GPAM: variants seen among roughly 807,000 people sequenced by gnomAD.
GPAM encodes glycerol-3-phosphate acyltransferase, mitochondrial, also known as glycerol-3-phosphate acyltransferase 1, mitochondrial.
Under a neutral mutation model 105.0 loss-of-function variants are expected in GPAM, and 56 were observed. The observed-to-expected ratio is 0.53, with a 90% CI of 0.43 to 0.67. The LOEUF (loss-of-function observed/expected upper bound fraction) is 0.67. Among genes scored for constraint, GPAM ranks in the 30% least tolerant of loss-of-function variants. The pLI, the probability that GPAM is intolerant of heterozygous loss-of-function variation, is 0.00. For missense variants in GPAM, 855 were observed against 989.8 expected (o/e 0.86, Z 1.83); for synonymous variants, 368 against 354.4 (o/e 1.04, Z -0.43).
At chr10:112,168,224 T>C in intron 11 of GPAM, 88 bp downstream of exon 11, 2 of 809,822 alleles carry the variant, frequency 2.5e-6, no homozygotes, top group Non-Finnish European at 2.2e-6. Flanking sequence ...CCAAAAAAAA[T>C]TCTTAATTCT....
At chr10:112,156,645 C>A in intron 19 of GPAM, 1 of 168,944 alleles carries the variant, frequency 5.9e-6, no homozygotes, top group Non-Finnish European at 1.3e-5. Flanking sequence ...GATCACTGCC[C>A]CATCTTGAAA....
chr10:112,173,248 ATT>A (rs77987196), intron 7 of GPAM, among the ~76,000 whole-genome samples, 182 bp from the exon 8 acceptor site: 107,237 of 151,546 alleles, frequency 0.71, 37,983 homozygotes, highest in South Asian at 0.82. Context: ...ACTAGAGCTA[ATT>A]TTATATATAT....
rs2792732 is a variant in GPAM, at chr10:112,167,904, A to T, written c.1107+408T>A. Among the ~76,000 whole-genome samples the T allele has an allele frequency of 9.0e-3, 1,364 of 152,320 alleles. 24 individuals carry two copies. The highest frequency in any genetic ancestry group is 0.031 in the African/African-American group (1,296 of 41,578). ...ATTGCTACCTCTCAAATTAATCTGT[A>T]GGTGTTTTTGCCAACATGACCCCAC... is the stretch of plus-strand genomic sequence containing the variant. On this transcript the variant is annotated intron_variant, in intron 11 of 21. Transcript: ENST00000348367.
chr10:112,152,052 C>T lies in GPAM; in HGVS notation c.*1498G>A, dbSNP rs1846929534. On this transcript the variant is annotated 3_prime_UTR_variant, in exon 22 of 22. Coordinates refer to ENST00000348367, the MANE Select transcript of GPAM (RefSeq NM_001244949.2). ...CAATGTGAAATATCAATCAGCATCCCTCCCTCTCCCAAAACACACATTACT... is the reference window on the plus strand; with the variant it reads ...CAATGTGAAATATCAATCAGCATCCTTCCCTCTCCCAAAACACACATTACT... 1 of 980,706 alleles carries T rather than the reference C, an allele frequency of 1.0e-6. No homozygotes were observed. Among genetic ancestry groups the T allele is most frequent in the Non-Finnish European group, 1.2e-6 (1 of 825,820 alleles). 60.8% of individuals were successfully genotyped at this position (980,706 alleles called of 1,614,324 possible). A position where few individuals can be genotyped will look rare whatever the true frequency, so the allele number is the denominator to read the frequency against.
upstream of GPAM, among the ~76,000 whole-genome samples, chr10:112,219,358 T>C (rs564250957): frequency 6.8e-4 from 103 of 152,224 alleles, no homozygotes; most frequent in African/African-American, 2.2e-3. Flanking sequence ...GCAAAGTGCT[T>C]TCACCTGGGA....
At chr10:112,164,016 CTAAA>C (rs1373407845) in intron 13 of GPAM, among the ~76,000 whole-genome samples, 200 bp from the exon 14 acceptor site, 1 of 152,034 alleles carries the variant, frequency 6.6e-6, no homozygotes, top group Non-Finnish European at 1.5e-5. Flanking sequence ...TTAGTTATGA[CTAAA>C]TAGTCTGTTG....
chr10:112,188,774 T>A (rs1430881729), intron 1 of GPAM, among the ~76,000 whole-genome samples: 2 of 152,224 alleles, frequency 1.3e-5, no homozygotes, highest in Non-Finnish European at 2.9e-5. Context: ...TTAACATGGC[T>A]CATTCTCATG....
chr10:112,184,220 T>C (rs367927237), upstream of GPAM, among the ~76,000 whole-genome samples: 36 of 152,108 alleles, frequency 2.4e-4, no homozygotes, highest in African/African-American at 8.7e-4. Flanking sequence ...GAAAATGAGA[T>C]ATGAAAAGAA....
chr10:112,193,856 C>A (rs1300516761), intron 1 of GPAM, among the ~76,000 whole-genome samples: 1 of 152,194 alleles, frequency 6.6e-6, no homozygotes, highest in Non-Finnish European at 1.5e-5. Context: ...ATACTTCTTG[C>A]AGATACTTTT....
At chr10:112,199,879 C>T (rs1002913143) in intron 1 of GPAM, among the ~76,000 whole-genome samples, 9 of 152,116 alleles carry the variant, frequency 5.9e-5, no homozygotes, top group African/African-American at 2.2e-4. Context: ...TTATCTCCAC[C>T]TGGCCCTGCA....
chr10:112,164,981 T>C (rs1589584813), intron 12 of GPAM, among the ~76,000 whole-genome samples: 1 of 152,188 alleles, frequency 6.6e-6, no homozygotes, highest in East Asian at 1.9e-4. Flanking sequence ...AGGGTCACAT[T>C]ATTTTCAAAA....
chr10:112,214,346 C>T (rs939452100), intron 1 of GPAM: 1 of 152,218 alleles, frequency 6.6e-6, no homozygotes, highest in African/African-American at 2.4e-5. Flanking sequence ...CCACTCAATA[C>T]TAAAACAAAA....
At chr10:112,223,661 G>T in the GPAM span, among the ~76,000 whole-genome samples, 1 of 152,094 alleles carries the variant, frequency 6.6e-6, no homozygotes, top group South Asian at 2.1e-4. Flanking sequence ...ATGTTTTTTA[G>T]AAGTACTCTA....
In GPAM at chr10:112,151,623, G is replaced by C; in HGVS notation, c.*1927C>G. The C allele has an allele frequency of 1.0e-6, 1 of 985,480 alleles. No homozygotes were observed. The highest frequency in any genetic ancestry group is 1.2e-6 in the Non-Finnish European group (1 of 829,910). The allele number at this position is 985,480 out of a possible 1,614,324, so 61.0% of individuals were successfully genotyped here. Reference sequence around the variant, plus strand: ...GAGAAGCCGTATTTTCTTTGCTTAGGTTGGCAAAGCAGCAGCTCTTTGCAG... The same window carrying C: ...GAGAAGCCGTATTTTCTTTGCTTAGCTTGGCAAAGCAGCAGCTCTTTGCAG... On this transcript the variant is annotated 3_prime_UTR_variant, in exon 22 of 22. Transcript: ENST00000348367.
chr10:112,183,134 C>A (rs955165779), intron 1 of GPAM, among the ~76,000 whole-genome samples: 1 of 152,234 alleles, frequency 6.6e-6, no homozygotes, highest in African/African-American at 2.4e-5. Flanking sequence ...TGCTTACCAT[C>A]TGTGTGATTT....
intron 1 of GPAM, among the ~76,000 whole-genome samples, chr10:112,193,654 A>G (rs34525937): frequency 0.14 from 21,800 of 152,238 alleles, 1,888 homozygotes; most frequent in East Asian, 0.25. Context: ...ACCTGATACT[A>G]AAGCCCAAAC....
At chr10:112,222,886 G>A in the GPAM span, among the ~76,000 whole-genome samples, 9 of 151,926 alleles carry the variant, frequency 5.9e-5, no homozygotes, top group African/African-American at 2.2e-4. Context: ...CCACAGAGGA[G>A]CACTGTTTAG....
At chr10:112,165,695 A>T (rs1175634517) in intron 12 of GPAM, among the ~76,000 whole-genome samples, 1 of 152,156 alleles carries the variant, frequency 6.6e-6, no homozygotes, top group Non-Finnish European at 1.5e-5. Flanking sequence ...TCCGTCTCAA[A>T]AAAAAAGTTA....
chr10:112,216,746 C>G (rs549242079), upstream of GPAM, among the ~76,000 whole-genome samples: 48 of 152,178 alleles, frequency 3.2e-4, no homozygotes, highest in East Asian at 9.1e-3. Flanking sequence ...GCCTCAGCCT[C>G]CCAAGTAGCT....
Sources: gnomAD v4.1 joint callset for allele counts (sites outside exome capture counted in the v4.1 genomes callset) on GRCh38, gnomAD v4.1.1 for gene constraint, MANE v1.5 for transcripts, NCBI Gene and HGNC (gene_info 2026-07-23, HGNC 2026-07-21) for gene names.